POLR3C: variants seen among roughly 807,000 people sequenced by gnomAD.
The protein encoded by POLR3C is DNA-directed RNA polymerase III subunit RPC3.
Under a neutral mutation model 65.9 loss-of-function variants are expected in POLR3C, and 44 were observed. That is an observed-to-expected ratio of 0.67 (90% CI 0.52 to 0.86). The LOEUF (loss-of-function observed/expected upper bound fraction) is 0.86. Ranked by LOEUF, POLR3C falls within the 40% of genes least tolerant of loss-of-function variation. The pLI, the probability that POLR3C is intolerant of heterozygous loss-of-function variation, is 0.00. For missense variants in POLR3C, 576 were observed against 653.2 expected (o/e 0.88, Z 1.29); for synonymous variants, 263 against 231.6 (o/e 1.14, Z -1.23).
chr1:145,837,777 T>A (rs1449264380), intron 10 of POLR3C, among the ~76,000 whole-genome samples, 181 bp downstream of exon 10: 1 of 152,242 alleles, frequency 6.6e-6, no homozygotes, highest in Non-Finnish European at 1.5e-5. Flanking sequence ...ACTGTTTAAT[T>A]CCTACCGATG....
At position 145,833,564 on chromosome 1, in the gene POLR3C, G is replaced by C. The variant is rs1553727797; in HGVS notation, c.858G>C (p.Gln286His). 3 of 1,608,492 alleles carry C rather than the reference G, an allele frequency of 1.9e-6. No homozygotes were observed. The highest frequency in any genetic ancestry group is 2.2e-5 in the South Asian group (2 of 90,968). Residue 286 changes from glutamine to histidine, a missense_variant, in exon 7 of 15, where the codon CAG becomes CAC. By Grantham distance (24) the Gln-to-His change is conservative (BLOSUM62 0). Coordinates refer to ENST00000334163, the MANE Select transcript of POLR3C (RefSeq NM_006468.8). ...CTTCCTCTAGTGCTCCCTTCACCCAGCCATTGTCTTCCAATGAGGTGAGTT... is the reference window on the plus strand; with the variant it reads ...CTTCCTCTAGTGCTCCCTTCACCCACCCATTGTCTTCCAATGAGGTGAGTT... ...ITTSSSAPFTQPLSSNEIFRS... is the reference protein window; with the variant it reads ...ITTSSSAPFTHPLSSNEIFRS...
Position 145,842,616 on chromosome 1 carries a change from T to G in POLR3C, c.*196T>G. On this transcript the variant is annotated 3_prime_UTR_variant, in exon 15 of 15. Transcript: ENST00000334163. The stretch of plus-strand genomic sequence containing the variant: ...ATTGCTGTAGTCTCCCCTCATCAAA[T>G]CTTGGCAGTGGGAAGAACCTTAAAT... 2 of 599,640 alleles carry G rather than the reference T, an allele frequency of 3.3e-6. No individual in the cohort carries two copies. The highest frequency in any genetic ancestry group is 5.9e-6 in the Non-Finnish European group (2 of 337,502). The allele number at this position is 599,640 out of a possible 1,614,324, so 37.1% of individuals were successfully genotyped here. A position where few individuals can be genotyped will look rare whatever the true frequency, so the allele number is the denominator to read the frequency against.
At chr1:145,836,992 A>G (rs1288050195) in intron 9 of POLR3C, 126 bp downstream of exon 9, 1 of 558,604 alleles carries the variant, frequency 1.8e-6, no homozygotes, top group African/African-American at 2.0e-5. Flanking sequence ...AGTAATTGTT[A>G]AATAAATTTT....
rs1553725817 is a variant in POLR3C at position 145,826,592 on chromosome 1, A to G, written c.286A>G (p.Lys96Glu). Reference sequence around the variant, plus strand: ...ATATCCCCGGTACATCTATACTACCAAAACTCTGTACAGTGACACTGGAGA... The same window carrying G: ...ATATCCCCGGTACATCTATACTACCGAAACTCTGTACAGTGACACTGGAGA... ...LRYPRYIYTT[K>E]TLYSDTGELI... The change falls in exon 3 of 15, where the codon AAA becomes GAA. Residue 96 changes from lysine to glutamate, a missense_variant. By Grantham distance (56) the Lys-to-Glu change is moderately conservative. Coordinates refer to ENST00000334163, the MANE Select transcript of POLR3C (RefSeq NM_006468.8). The G allele has an allele frequency of 6.2e-7, 1 of 1,614,074 alleles. No individual in the cohort carries two copies. Among genetic ancestry groups the G allele is most frequent in the African/African-American group, 1.3e-5 (1 of 74,928 alleles).
At position 145,825,801 on chromosome 1, in the gene POLR3C, T is replaced by C. The variant is rs782156919; in HGVS notation, c.25T>C (p.Cys9Arg). 9 of 1,613,552 alleles carry C rather than the reference T, an allele frequency of 5.6e-6. No individual in the cohort carries two copies. In the Admixed American group the frequency reaches 1.2e-4, roughly 21 times the overall value. ...AATGACTCAAGCAGAAATTAAGCTC[T>C]GTTCTTTGTTGCTGCAAGAGCATTT... The part of the protein sequence containing the change: MTQAEIKL[C>R]SLLLQEHFGE... Residue 9 changes from cysteine (C) to arginine (R), a missense_variant, in exon 2 of 15, where the codon TGT becomes CGT. Cys to Arg is a radical substitution (Grantham distance 180). Coordinates refer to ENST00000334163, the MANE Select transcript of POLR3C (RefSeq NM_006468.8).
chr1:145,840,188 T>C (rs782408861), intron 13 of POLR3C, 23 bp downstream of exon 13: 25 of 1,454,988 alleles, frequency 1.7e-5, no homozygotes, highest in Non-Finnish European at 2.2e-5. Flanking sequence ...TTCAGTTGAG[T>C]TATTTACATC....
rs962250604 is a variant in POLR3C, at chr1:145,842,529, A to T, written c.*109A>T. The T allele has an allele frequency of 4.3e-5, 34 of 781,922 alleles. No homozygotes were observed. Among genetic ancestry groups the T allele is most frequent in the Non-Finnish European group, 4.3e-5 (19 of 441,442 alleles). The allele number at this position is 781,922 out of a possible 1,614,324, so 48.4% of individuals were successfully genotyped here. ...GATAAGTCGCAGAGTCTTCAACTAA[A>T]CCCCCCTCTCTATCCCCTGCAGCCC... On this transcript the variant is annotated 3_prime_UTR_variant, in exon 15 of 15. Transcript: ENST00000334163.
intron 9 of POLR3C, among the ~76,000 whole-genome samples, chr1:145,837,252 A>G (rs1379144177): frequency 6.6e-6 from 1 of 152,176 alleles, no homozygotes; most frequent in Non-Finnish European, 1.5e-5. Context: ...CGTTGCAGTA[A>G]GCTGAGATCA....
rs868918415 is a variant in POLR3C at position 145,842,886 on chromosome 1, C to G, written c.*466C>G. On this transcript the variant is annotated 3_prime_UTR_variant, in exon 15 of 15. Coordinates refer to ENST00000334163, the MANE Select transcript of POLR3C (RefSeq NM_006468.8). ...GGGGTGTAATAGCGCAATCACAGCT[C>G]CCTACAGCCTTGACCTCCTGAGCTC... Among the ~76,000 whole-genome samples the G allele has an allele frequency of 6.6e-6, 1 of 152,018 alleles. No homozygotes were observed. The highest frequency in any genetic ancestry group is 2.4e-5 in the African/African-American group (1 of 41,346).
intron 5 of POLR3C, among the ~76,000 whole-genome samples, chr1:145,832,498 A>G (rs1297685657): frequency 6.6e-6 from 1 of 152,190 alleles, no homozygotes; most frequent in Non-Finnish European, 1.5e-5. Flanking sequence ...TTGGAATACC[A>G]ATATGGGCAT....
rs1553731117 is a variant in POLR3C, at chr1:145,843,152, A to G, written c.*732A>G. On this transcript the variant is annotated 3_prime_UTR_variant, in exon 15 of 15. Coordinates refer to ENST00000334163, the MANE Select transcript of POLR3C (RefSeq NM_006468.8). Reference sequence around the variant, plus strand: ...GTGGATTGTCCCAAGCAGTCACACTAGAATCTGTGGACTGAAGCCACATTT... The same window carrying G: ...GTGGATTGTCCCAAGCAGTCACACTGGAATCTGTGGACTGAAGCCACATTT... Among the ~76,000 whole-genome samples the G allele has an allele frequency of 2.0e-5, 3 of 152,218 alleles. No homozygotes were observed. Among genetic ancestry groups the G allele is most frequent in the Non-Finnish European group, 4.4e-5 (3 of 68,038 alleles).
Position 145,827,047 on chromosome 1 carries a change from G to A in POLR3C, c.589+42G>A, listed in dbSNP as rs373217297. On this transcript the variant is annotated intron_variant, in intron 4 of 14. Coordinates refer to ENST00000334163, the MANE Select transcript of POLR3C (RefSeq NM_006468.8). ...CCTGGAACTGTGACTTGCCTTAATT[G>A]TGGATTCTTCTTGATTGTCAAGTGT... is the stretch of plus-strand genomic sequence containing the variant. 44 of 1,409,172 alleles carry A rather than the reference G, an allele frequency of 3.1e-5. No homozygotes were observed. The African/African-American group carries it at 5.5e-4, about 18-fold the overall frequency. 87.3% of individuals were successfully genotyped at this position (1,409,172 alleles called of 1,614,324 possible). A position where few individuals can be genotyped will look rare whatever the true frequency, so the allele number is the denominator to read the frequency against.
rs1553727779 is a variant in POLR3C, at chr1:145,833,547, A to G, written c.841A>G (p.Ser281Gly). The G allele has an allele frequency of 1.2e-6, 2 of 1,612,802 alleles. No individual in the cohort carries two copies. Among genetic ancestry groups the G allele is most frequent in the East Asian group, 4.5e-5 (2 of 44,884 alleles). ...AATGAGTGAGATTACCACTTCCTCTAGTGCTCCCTTCACCCAGCCATTGTC... is the reference window on the plus strand; with the variant it reads ...AATGAGTGAGATTACCACTTCCTCTGGTGCTCCCTTCACCCAGCCATTGTC... ...LRMSEITTSS[S>G]APFTQPLSSN... The change falls in exon 7 of 15, where the codon AGT becomes GGT. Residue 281 changes from serine to glycine, a missense_variant. By Grantham distance (56) the Ser-to-Gly change is moderately conservative. Coordinates refer to ENST00000334163, the MANE Select transcript of POLR3C (RefSeq NM_006468.8).
intron 5 of POLR3C, among the ~76,000 whole-genome samples, chr1:145,829,520 G>A (rs1570726589): frequency 6.6e-6 from 1 of 152,162 alleles, no homozygotes; most frequent in African/African-American, 2.4e-5. Flanking sequence ...TAGCCAAAAT[G>A]ACTTTCTAAG....
At chr1:145,833,631 A>C (rs782625823) in intron 7 of POLR3C, 49 bp downstream of exon 7, 2 of 1,209,214 alleles carry the variant, frequency 1.7e-6, no homozygotes, top group South Asian at 1.2e-5. Flanking sequence ...CTTGGGTGTT[A>C]TCAACGTTTA....
chr1:145,837,767 A>G (rs1553729184), intron 10 of POLR3C, among the ~76,000 whole-genome samples, 171 bp downstream of exon 10: 1 of 152,160 alleles, frequency 6.6e-6, no homozygotes. Context: ...AAAATAACCT[A>G]CTGTTTAATT....
chr1:145,828,819 T>C lies in POLR3C; in HGVS notation c.660T>C (p.Tyr220=). The part of the protein sequence containing the change: ...AGEPKAKRPK[Y]TTDNKEPIPD... ...AGCCCAAGGCCAAGAGACCAAAATA[T>C]ACTACAGATAACAAGGAGGTAATGG... The change falls in exon 5 of 15, where the codon TAT becomes TAC. Residue 220 remains tyrosine, a synonymous_variant. Coordinates refer to ENST00000334163, the MANE Select transcript of POLR3C (RefSeq NM_006468.8). 1 of 1,584,594 alleles carries C rather than the reference T, an allele frequency of 6.3e-7. No individual in the cohort carries two copies. The highest frequency in any genetic ancestry group is 8.7e-7 in the Non-Finnish European group (1 of 1,153,112).
chr1:145,826,372 G>A (rs1650744433), intron 2 of POLR3C, 82 bp from the exon 3 acceptor site: 1 of 1,211,462 alleles, frequency 8.3e-7, no homozygotes, highest in Non-Finnish European at 1.2e-6. Flanking sequence ...TGCTTACTAA[G>A]CTGTTGGACA....
At chr1:145,831,383 C>T (rs183817800) in intron 5 of POLR3C, among the ~76,000 whole-genome samples, 132 of 152,030 alleles carry the variant, frequency 8.7e-4, no homozygotes, top group African/African-American at 3.0e-3. Flanking sequence ...TGCATGGTGG[C>T]GCAGGCCTGT....
Sources: allele counts gnomAD v4.1 joint callset (sites outside exome capture counted in the v4.1 genomes callset), GRCh38; gene constraint gnomAD v4.1.1; transcripts MANE v1.5; gene names NCBI Gene and HGNC (gene_info 2026-07-23, HGNC 2026-07-21).